The following LGR5 variants were observed in gnomAD, a reference collection of about 807,000 sequenced individuals.
LGR5 encodes the protein leucine rich repeat containing G protein-coupled receptor 5, also known as leucine-rich repeat-containing G protein-coupled receptor 5.
In LGR5, 54 loss-of-function variants were observed where a neutral mutation model predicts 76.7. The observed-to-expected ratio is 0.70, with a 90% CI of 0.57 to 0.88. The LOEUF is 0.88. Ranked by LOEUF, LGR5 falls within the 40% of genes least tolerant of loss-of-function variation. The probability of loss-of-function intolerance (pLI) is 0.00; values close to 1 mark genes in which losing one functional copy is unlikely to be tolerated. For synonymous variants in LGR5, 406 were observed against 421.9 expected (o/e 0.96, Z 0.46); for missense variants, 1,078 against 1,073.3 (o/e 1.00, Z -0.06).
Position 71,530,996 on chromosome 12 carries a change from G to GGAA in LGR5, c.357-4119_357-4118insGAA, listed in dbSNP as rs1555172221. Among the ~76,000 whole-genome samples the GGAA allele has an allele frequency of 2.2e-5, 3 of 138,672 alleles. No homozygotes were observed. In the East Asian group the frequency reaches 6.3e-4, roughly 29 times the overall value. The allele number at this position is 138,672 out of a possible 152,430, so 91.0% of individuals were successfully genotyped here. The stretch of plus-strand genomic sequence containing the variant: ...ACCTGTTCTTACTTAGTCCTGTTGG[G>GGAA]AAAAAAAAAAAAAAAAAGTGGGGGA... On this transcript the variant is annotated intron_variant, in intron 3 of 17. Transcript: ENST00000266674.
intron 7 of LGR5, among the ~76,000 whole-genome samples, chr12:71,560,036 A>G (rs1048148506): frequency 2.6e-5 from 4 of 152,226 alleles, no homozygotes; most frequent in Admixed American, 6.5e-5. Flanking sequence ...TCTGGGTTGC[A>G]TAAGTCTAGA....
At chr12:71,580,142 T>A in intron 15 of LGR5, 136 bp from the exon 16 acceptor site, 1 of 691,520 alleles carries the variant, frequency 1.4e-6, no homozygotes, top group Non-Finnish European at 2.4e-6. Context: ...AACACCTTTA[T>A]GTGCATAACT....
chr12:71,569,819 A>C (rs1230335451), intron 11 of LGR5, among the ~76,000 whole-genome samples: 1 of 152,248 alleles, frequency 6.6e-6, no homozygotes, highest in Non-Finnish European at 1.5e-5. Context: ...TATATACCCA[A>C]GGGAATAGAA....
chr12:71,465,352 A>G (rs1872822327), intron 1 of LGR5, among the ~76,000 whole-genome samples: 2 of 152,056 alleles, frequency 1.3e-5, no homozygotes, highest in South Asian at 2.1e-4. Flanking sequence ...AAAATGGCCA[A>G]CCCTCAGTAG....
chr12:71,494,006 T>C (rs1874199237), intron 1 of LGR5, among the ~76,000 whole-genome samples: 1 of 147,470 alleles, frequency 6.8e-6, no homozygotes, highest in South Asian at 2.1e-4. Flanking sequence ...TGTAGTGGCG[T>C]GATCTCGGCT....
At chr12:71,512,527 T>A (rs1875211553) in intron 2 of LGR5, among the ~76,000 whole-genome samples, 1 of 152,168 alleles carries the variant, frequency 6.6e-6, no homozygotes, top group South Asian at 2.1e-4. Flanking sequence ...ATTTAATGGG[T>A]CTCACTGGGA....
chr12:71,481,026 G>C (rs1873574022), intron 1 of LGR5, among the ~76,000 whole-genome samples: 1 of 152,156 alleles, frequency 6.6e-6, no homozygotes, highest in Non-Finnish European at 1.5e-5. Context: ...TGGGCAACCA[G>C]CAACGGCTTT....
chr12:71,563,900 G>T (rs894605460), intron 8 of LGR5, among the ~76,000 whole-genome samples: 1 of 151,496 alleles, frequency 6.6e-6, no homozygotes, highest in African/African-American at 2.4e-5. Flanking sequence ...TATACTGTGT[G>T]TATACATATA....
At chr12:71,480,261 G>C (rs949067932) in intron 1 of LGR5, among the ~76,000 whole-genome samples, 3 of 151,672 alleles carry the variant, frequency 2.0e-5, no homozygotes, top group Admixed American at 2.0e-4. Context: ...CTGCTCGGGA[G>C]GCTGAGGCAG....
At chr12:71,553,902 T>G (rs545785108) in intron 5 of LGR5, among the ~76,000 whole-genome samples, 117 of 151,960 alleles carry the variant, frequency 7.7e-4, no homozygotes, top group Non-Finnish European at 1.1e-3. Flanking sequence ...GCCAGCCTGG[T>G]CAACATGGTG....
chr12:71,584,133 C>T lies in LGR5; in HGVS notation c.2123C>T (p.Ala708Val), dbSNP rs1300019556. 6.2e-7 allele frequency: 1 copy of T among 1,614,214 alleles called. No individual in the cohort carries two copies. Among genetic ancestry groups the T allele is most frequent in the Non-Finnish European group, 8.5e-7 (1 of 1,180,046 alleles). ...VPLLGGSKYGASPLCLPLPFG... is the reference protein window; with the variant it reads ...VPLLGGSKYGVSPLCLPLPFG... ...CTGCTGGGTGGCAGCAAGTATGGCGCCTCCCCTCTCTGCCTGCCTTTGCCT... is the reference window on the plus strand; with the variant it reads ...CTGCTGGGTGGCAGCAAGTATGGCGTCTCCCCTCTCTGCCTGCCTTTGCCT... The change falls in exon 18 of 18, where the codon GCC (alanine) becomes GTC (valine). Residue 708 changes from alanine (A) to valine (V), a missense_variant. By Grantham distance (64) the Ala-to-Val change is moderately conservative (BLOSUM62 0). Transcript: ENST00000266674.
At chr12:71,486,792 T>C (rs1257190182) in intron 1 of LGR5, among the ~76,000 whole-genome samples, 6 of 151,788 alleles carry the variant, frequency 4.0e-5, no homozygotes, top group South Asian at 2.1e-4. Context: ...GAAATACTAA[T>C]AAGTTATTTT....
chr12:71,566,518 G>T, intron 9 of LGR5, 43 bp downstream of exon 9: 1 of 1,549,678 alleles, frequency 6.5e-7, no homozygotes, highest in Non-Finnish European at 8.9e-7. Context: ...CCTCTACAGG[G>T]TTGCTGTGAA....
At chr12:71,462,323 A>G (rs1321205584) in intron 1 of LGR5, among the ~76,000 whole-genome samples, 1 of 152,116 alleles carries the variant, frequency 6.6e-6, no homozygotes, top group Non-Finnish European at 1.5e-5. Flanking sequence ...GTCATTTAAT[A>G]TCTCCTTATC....
chr12:71,516,885 CTT>C (rs1875470128), intron 2 of LGR5, among the ~76,000 whole-genome samples: 1 of 151,132 alleles, frequency 6.6e-6, no homozygotes, highest in Admixed American at 6.6e-5. Flanking sequence ...GGGATAAAAA[CTT>C]TTTAAAATAT....
At chr12:71,453,829 A>C (rs1872349685) in intron 1 of LGR5, among the ~76,000 whole-genome samples, 1 of 152,144 alleles carries the variant, frequency 6.6e-6, no homozygotes, top group Admixed American at 6.5e-5. Flanking sequence ...GAGGCACCTC[A>C]GTACTCATCT....
At chr12:71,576,568 G>C (rs1041942123) in intron 13 of LGR5, among the ~76,000 whole-genome samples, 2 of 152,130 alleles carry the variant, frequency 1.3e-5, no homozygotes, top group Non-Finnish European at 2.9e-5. Context: ...CAGCCTGCAG[G>C]ATCAGCCCCA....
At chr12:71,582,131 C>G (rs536128286) in intron 16 of LGR5, among the ~76,000 whole-genome samples, 1 of 152,128 alleles carries the variant, frequency 6.6e-6, no homozygotes, top group Non-Finnish European at 1.5e-5. Flanking sequence ...CTACTCTGAA[C>G]GAAGAGGCCC....
chr12:71,561,964 A>G, intron 8 of LGR5, 112 bp downstream of exon 8: 1 of 645,344 alleles, frequency 1.5e-6, no homozygotes, highest in Non-Finnish European at 2.6e-6. Flanking sequence ...AGTCAATCTA[A>G]GAGTTCATAC....
Sources: gnomAD v4.1 joint callset for allele counts (sites outside exome capture counted in the v4.1 genomes callset) on GRCh38, gnomAD v4.1.1 for gene constraint, MANE v1.5 for transcripts, NCBI Gene and HGNC (gene_info 2026-07-23, HGNC 2026-07-21) for gene names.